PRR12: variants seen among roughly 807,000 people sequenced by gnomAD.
PRR12 encodes proline rich 12.
In PRR12, 12 loss-of-function variants were observed where a neutral mutation model predicts 138.0. The observed-to-expected ratio is 0.09, with a 90% CI of 0.06 to 0.14. The LOEUF (loss-of-function observed/expected upper bound fraction) is 0.14. PRR12 is among the 10% of genes least tolerant of loss of function. The pLI, the probability that PRR12 is intolerant of heterozygous loss-of-function variation, is 1.00. For missense variants in PRR12, 2,692 were observed against 2,861.3 expected, an observed-to-expected ratio of 0.94 and a Z score of 1.35; for synonymous variants, 1,567 against 1,291.7, an observed-to-expected ratio of 1.21 and a Z score of -4.57.
chr19:49,601,655 CCACCTCCACCAGCCATGCCCT>C lies in PRR12; in HGVS notation c.4512_4532del (p.Ala1508_Pro1514del), dbSNP rs1156702433. ...ACCACCGCCACCGCCGCTGCCGCCG[CCACCTCCACCAGCCATGCCCT>C]CGCCTCCACCACCACCCCCACCAGC... On this transcript the variant is annotated inframe_deletion, in exon 6 of 14. Coordinates refer to ENST00000418929, the MANE Select transcript of PRR12 (RefSeq NM_020719.3). The C allele has an allele frequency of 1.3e-6, 2 of 1,537,806 alleles. No homozygotes were observed. The highest frequency in any genetic ancestry group is 2.0e-5 in the Admixed American group (1 of 50,806).
Position 49,595,669 on chromosome 19 carries a change from C to T in PRR12, c.1334C>T (p.Pro445Leu), listed in dbSNP as rs2080762559. 6.3e-7 allele frequency: 1 copy of T among 1,599,052 alleles called. No individual in the cohort carries two copies. The highest frequency in any genetic ancestry group is 1.3e-5 in the African/African-American group (1 of 74,426). ...GGGGCAGGGGGCCAGGCTTATTCCC[C>T]CGGTCAGCCTCAAGGGCTTCTGGGA... ...AGGAGGQAYS[P>L]GQPQGLLGPQ... The change falls in exon 4 of 14, where the codon CCC becomes CTC. Residue 445 changes from proline to leucine, a missense_variant. By Grantham distance (98) the Pro-to-Leu change is moderately conservative. Transcript: ENST00000418929.
Position 49,593,413 on chromosome 19 carries a change from G to A in PRR12, c.173G>A (p.Ser58Asn), listed in dbSNP as rs781646356. ...TATGCGGCCCCCCACCCACTGCAAA[G>A]CTATGCCACCAACCACCACCCGGCA... ...QAYAAPHPLQ[S>N]YATNHHPAGL... is the part of the protein sequence containing the mutation. The change falls in exon 2 of 14, where the codon AGC (serine) becomes AAC (asparagine). Residue 58 changes from serine to asparagine, a missense_variant. By Grantham distance (46) the Ser-to-Asn change is conservative. Transcript: ENST00000418929. The A allele has an allele frequency of 6.2e-7, 1 of 1,603,526 alleles. No homozygotes were observed. Among genetic ancestry groups the A allele is most frequent in the South Asian group, 1.1e-5 (1 of 90,502 alleles).
In PRR12 at chr19:49,608,463, C is replaced by A. The variant is rs540670981; in HGVS notation, c.4774-6070C>A. Reference sequence around the variant, plus strand: ...TTCAAGCGATTCTTCTCCTTAGCCTCCCGAGTAGCTGGGACTCCTGCCTCA... The same window carrying A: ...TTCAAGCGATTCTTCTCCTTAGCCTACCGAGTAGCTGGGACTCCTGCCTCA... On this transcript the variant is annotated intron_variant, in intron 6 of 13. Coordinates refer to ENST00000418929, the MANE Select transcript of PRR12 (RefSeq NM_020719.3). Among the ~76,000 whole-genome samples the A allele has an allele frequency of 3.9e-5, 6 of 152,224 alleles. No individual in the cohort carries two copies. The East Asian group carries it at 9.7e-4, about 24-fold the overall frequency.
chr19:49,619,792 T>C (rs111657600), intron 9 of PRR12, among the ~76,000 whole-genome samples: 6,691 of 148,844 alleles, frequency 0.045, 195 homozygotes, highest in South Asian at 0.12. Context: ...TCTGCCTGCC[T>C]CGGCCTCCCA....
intron 6 of PRR12, among the ~76,000 whole-genome samples, chr19:49,610,233 C>G (rs1163412913): frequency 1.3e-5 from 2 of 151,832 alleles, no homozygotes; most frequent in African/African-American, 2.4e-5. Context: ...CCTCGGCCTC[C>G]CAAAGTGCTG....
rs2080894445 is a variant in PRR12, at chr19:49,616,551, ACT to A, written c.5497+335_5497+336del. ...TGCAACTGAGCCCAGGGTGCCTCGG[ACT>A]CTGTTCTTCAGTGCTGCGTTCTGCC... On this transcript the variant is annotated intron_variant, in intron 9 of 13. Transcript: ENST00000418929. The surrounding 1 kb of genome is among the most constrained non-coding windows in gnomAD (Gnocchi z 4.2). Among the ~76,000 whole-genome samples, 1 of 151,788 alleles carries A rather than the reference ACT, an allele frequency of 6.6e-6. No homozygotes were observed. Among genetic ancestry groups the A allele is most frequent in the Non-Finnish European group, 1.5e-5 (1 of 67,930 alleles).
At chr19:49,605,765 C>T (rs1033839149) in intron 6 of PRR12, among the ~76,000 whole-genome samples, 1 of 152,256 alleles carries the variant, frequency 6.6e-6, no homozygotes, top group Non-Finnish European at 1.5e-5. Context: ...CCAGGGCCAC[C>T]TGACACCACC....
intron 5 of PRR12, among the ~76,000 whole-genome samples, chr19:49,601,196 T>C (rs992465317): frequency 3.3e-5 from 5 of 151,792 alleles, no homozygotes; most frequent in Admixed American, 1.3e-4. Flanking sequence ...GGTGATGATT[T>C]AGGAGTTGGG....
chr19:49,596,217 C>G lies in PRR12; in HGVS notation c.1882C>G (p.Pro628Ala), dbSNP rs764511799. The change falls in exon 4 of 14, where the codon CCA (proline) becomes GCA (alanine). Residue 628 changes from proline to alanine, a missense_variant. Coordinates refer to ENST00000418929, the MANE Select transcript of PRR12 (RefSeq NM_020719.3). The surrounding 1 kb of genome is among the most constrained non-coding windows in gnomAD (Gnocchi z 5.6). ...KGDGSELLAGPGGPPAERTED... is the reference protein window; with the variant it reads ...KGDGSELLAGAGGPPAERTED... ...GGATGGCTCGGAGCTGCTGGCGGGC[C>G]CAGGTGGGCCTCCTGCGGAGCGCAC... The G allele has an allele frequency of 1.9e-6, 3 of 1,610,896 alleles. No individual in the cohort carries two copies. Among genetic ancestry groups the G allele is most frequent in the Non-Finnish European group, 2.5e-6 (3 of 1,179,734 alleles).
chr19:49,597,057 G>C lies in PRR12; in HGVS notation c.2722G>C (p.Asp908His). Residue 908 changes from aspartate to histidine, a missense_variant, in exon 4 of 14, where the codon GAT becomes CAT. Physicochemically the swap from Asp to His is moderately conservative, Grantham distance 81. Coordinates refer to ENST00000418929, the MANE Select transcript of PRR12 (RefSeq NM_020719.3). The surrounding 1 kb of genome is among the most constrained non-coding windows in gnomAD (Gnocchi z 6.3). ...GVGPPNSEGKDPAGAYRSPSP... is the reference protein window; with the variant it reads ...GVGPPNSEGKHPAGAYRSPSP... ...AGGCCCACCAAACTCGGAGGGCAAG[G>C]ATCCCGCAGGCGCCTACCGCAGCCC... 1.9e-6 allele frequency: 3 copies of C among 1,553,424 alleles called. No homozygotes were observed. Among genetic ancestry groups the C allele is most frequent in the Non-Finnish European group, 2.6e-6 (3 of 1,149,424 alleles).
intron 5 of PRR12, among the ~76,000 whole-genome samples, chr19:49,600,391 T>G (rs1214127464): frequency 6.6e-6 from 1 of 150,954 alleles, no homozygotes; most frequent in African/African-American, 2.4e-5. Context: ...GCTCTGGTTT[T>G]GGACACAGTT....
At chr19:49,592,856 T>G (rs2080738201) in intron 1 of PRR12, among the ~76,000 whole-genome samples, 2 of 152,164 alleles carry the variant, frequency 1.3e-5, no homozygotes, top group African/African-American at 4.8e-5. Flanking sequence ...TCCCAACTTG[T>G]TCTGCACCAC....
At position 49,617,824 on chromosome 19, in the gene PRR12, G is replaced by A. The variant is rs114059818; in HGVS notation, c.5497+1605G>A. Among the ~76,000 whole-genome samples, 777 of 152,190 alleles carry A rather than the reference G, an allele frequency of 5.1e-3. 4 individuals are homozygous for A. Among genetic ancestry groups the A allele is most frequent in the African/African-American group, 0.018 (741 of 41,516 alleles). On this transcript the variant is annotated intron_variant, in intron 9 of 13. Transcript: ENST00000418929. ...AGGGAGATGTATAGAAAATAAAAGC[G>A]GCCGGGCACAGTGGCTGATGCCCAG...
chr19:49,591,817 C>T (rs1291720378), intron 1 of PRR12, 77 bp downstream of exon 1: 10 of 890,200 alleles, frequency 1.1e-5, no homozygotes, highest in African/African-American at 5.4e-5. Flanking sequence ...CCGGGCCGGG[C>T]CCGCCCGGCG....
rs879509046 is a variant in PRR12, at chr19:49,612,007, C to T, written c.4774-2526C>T. ...CAGCACTTTGGGAGGCCCAGGCGGG[C>T]GGATCATGAGGTCAAGAGATCGAGA... is the stretch of plus-strand genomic sequence containing the variant. On this transcript the variant is annotated intron_variant, in intron 6 of 13. Transcript: ENST00000418929. Among the ~76,000 whole-genome samples the T allele has an allele frequency of 2.7e-5, 4 of 149,450 alleles. No homozygotes were observed. In the South Asian group the frequency reaches 6.3e-4, roughly 24 times the overall value.
At chr19:49,604,352 C>T (rs2080827609) in intron 6 of PRR12, among the ~76,000 whole-genome samples, 1 of 142,372 alleles carries the variant, frequency 7.0e-6, no homozygotes, top group African/African-American at 2.6e-5. Context: ...AACAAGGGAG[C>T]GAGACTGTCT....
At chr19:49,610,741 C>G (rs2080861859) in intron 6 of PRR12, among the ~76,000 whole-genome samples, 1 of 151,982 alleles carries the variant, frequency 6.6e-6, no homozygotes, top group East Asian at 1.9e-4. Context: ...GACGGGGTTT[C>G]ACCATGTTAG....
In PRR12 at chr19:49,591,617, T is replaced by TC. The variant is rs776732516; in HGVS notation, c.-35dup. 3 of 122,434 alleles carry TC rather than the reference T, an allele frequency of 2.5e-5. No homozygotes were observed. The highest frequency in any genetic ancestry group is 8.3e-5 in the African/African-American group (1 of 12,060). 7.6% of individuals were successfully genotyped at this position (122,434 alleles called of 1,614,324 possible). ...CGCGCGCGCCCCCTCCCTCCCTCCC[T>TC]CCCTCCCCCTCCCCCCAATTTCCAC... On this transcript the variant is annotated 5_prime_UTR_variant, in exon 1 of 14. Transcript: ENST00000418929.
rs769826582 is a variant in PRR12 at position 49,596,691 on chromosome 19, G to A, written c.2356G>A (p.Gly786Arg). 3.2e-5 allele frequency: 52 copies of A among 1,604,020 alleles called. No homozygotes were observed. The highest frequency in any genetic ancestry group is 4.0e-4 in the Middle Eastern group (2 of 5,002). The change falls in exon 4 of 14, where the codon GGG (glycine) becomes AGG (arginine). Residue 786 changes from glycine to arginine, a missense_variant. Gly to Arg is a moderately radical substitution (Grantham distance 125, BLOSUM62 -2). Coordinates refer to ENST00000418929, the MANE Select transcript of PRR12 (RefSeq NM_020719.3). This position sits in a 1 kb window ranked among gnomAD's most constrained non-coding sequence, Gnocchi z 5.6. ...TCCCCATGGCCTCCTTCTGGAGGCC[G>A]GGGGCCCTGACCTCCCACTGGTGCT... ...PTPHGLLLEA[G>R]GPDLPLVLPP...
Sources: allele counts gnomAD v4.1 joint callset (sites outside exome capture counted in the v4.1 genomes callset), GRCh38; gene constraint gnomAD v4.1.1; non-coding constraint Gnocchi (gnomAD v3.1); transcripts MANE v1.5; gene names NCBI Gene and HGNC (gene_info 2026-07-23, HGNC 2026-07-21).